Variants in NHS observed in about 807,000 individuals in gnomAD.
The protein encoded by NHS is actin remodeling regulator NHS.
In NHS, 5 loss-of-function variants were observed where a neutral mutation model predicts 72.5. The ratio of observed to expected loss-of-function variants is 0.07; its 90% confidence interval spans 0.04 to 0.14. NHS has a LOEUF of 0.14. NHS is among the 10% of genes least tolerant of loss of function. The pLI is 1.00. For synonymous variants in NHS, 464 were observed against 547.7 expected (o/e 0.85, Z 2.13); for missense variants, 1,072 against 1,355.7 (o/e 0.79, Z 3.29).
At chrX:17,537,533 A>G (rs1406728802) in intron 1 of NHS, among the ~76,000 whole-genome samples, 1 of 112,519 alleles carries the variant, frequency 8.9e-6, no homozygotes, top group Non-Finnish European at 1.9e-5. Context: ...GACACTTTGG[A>G]GGTGAATTTC....
At chrX:17,498,065 G>A (rs1159782553) in intron 1 of NHS, among the ~76,000 whole-genome samples, 1 of 112,013 alleles carries the variant, frequency 8.9e-6, no homozygotes, top group Non-Finnish European at 1.9e-5. Context: ...CCAGGCACCT[G>A]TATTTTTTTA....
intron 1 of NHS, among the ~76,000 whole-genome samples, chrX:17,403,322 A>C (rs895881517): frequency 8.9e-6 from 1 of 112,402 alleles, no homozygotes; most frequent in Non-Finnish European, 1.9e-5. Flanking sequence ...GGAGGAAAAG[A>C]TAAACAGGTT....
At chrX:17,484,283 A>G (rs1393432754) in intron 1 of NHS, among the ~76,000 whole-genome samples, 2 of 112,682 alleles carry the variant, frequency 1.8e-5, no homozygotes, top group East Asian at 5.6e-4. Context: ...TGGAAGAACT[A>G]GCTTGCCTTG....
chrX:17,717,427 A>T (rs1229316530), intron 3 of NHS, among the ~76,000 whole-genome samples: 1 of 112,674 alleles, frequency 8.9e-6, no homozygotes, highest in East Asian at 2.8e-4. Context: ...GCAATCTAAC[A>T]AATGAAATAG....
At chrX:17,675,497 C>A (rs952679865) in intron 1 of NHS, among the ~76,000 whole-genome samples, 2 of 112,074 alleles carry the variant, frequency 1.8e-5, no homozygotes, top group East Asian at 5.6e-4. Context: ...ACGATGAATA[C>A]CCCTACCATG....
At chrX:17,693,512 G>A (rs1004775860) in intron 3 of NHS, among the ~76,000 whole-genome samples, 6 of 112,271 alleles carry the variant, frequency 5.3e-5, no homozygotes, top group Non-Finnish European at 9.4e-5. Flanking sequence ...ACTCTAAATT[G>A]TGCACTCTTA....
intron 1 of NHS, among the ~76,000 whole-genome samples, chrX:17,442,422 A>G (rs1274176998): frequency 8.9e-6 from 1 of 112,290 alleles, no homozygotes; most frequent in Non-Finnish European, 1.9e-5. Flanking sequence ...TAAAGGAGAA[A>G]CACATCACTT....
chrX:17,670,244 C>T (rs2147099169), intron 1 of NHS, among the ~76,000 whole-genome samples: 1 of 112,563 alleles, frequency 8.9e-6, no homozygotes, highest in African/African-American at 3.2e-5. Context: ...ATGTTGTATT[C>T]ACCAAACCTA....
At chrX:17,671,349 C>A (rs1400634503) in intron 1 of NHS, among the ~76,000 whole-genome samples, 1 of 112,549 alleles carries the variant, frequency 8.9e-6, no homozygotes, top group East Asian at 2.8e-4. Flanking sequence ...CCTGCACAAT[C>A]TTCATTTCTG....
intron 1 of NHS, among the ~76,000 whole-genome samples, chrX:17,437,065 GAGA>G (rs2064727092): frequency 1.8e-5 from 2 of 112,020 alleles, no homozygotes; most frequent in Admixed American, 1.9e-4. Flanking sequence ...GCACTGTGTT[GAGA>G]AGGATGCTGC....
At chrX:17,400,405 A>G (rs1311134026) in intron 1 of NHS, among the ~76,000 whole-genome samples, 4 of 111,174 alleles carry the variant, frequency 3.6e-5, no homozygotes, top group Non-Finnish European at 7.5e-5. Context: ...GGCCAAGATG[A>G]TGAAACCTCG....
chrX:17,438,052 C>G (rs1377647575), intron 1 of NHS, among the ~76,000 whole-genome samples: 1 of 112,196 alleles, frequency 8.9e-6, no homozygotes, highest in Non-Finnish European at 1.9e-5. Context: ...TGTAGTGACA[C>G]GTGGAGAATT....
chrX:17,678,530 T>C (rs1363424856), intron 1 of NHS, among the ~76,000 whole-genome samples: 7 of 110,108 alleles, frequency 6.4e-5, no homozygotes, highest in Non-Finnish European at 9.5e-5. Flanking sequence ...CTGAGAGGGG[T>C]TGGGGAGAGG....
chrX:17,602,834 A>AC (rs1556016243), intron 1 of NHS, among the ~76,000 whole-genome samples: 1 of 83,300 alleles, frequency 1.2e-5, no homozygotes, highest in Non-Finnish European at 2.3e-5. Context: ...CACAACTACA[A>AC]TTTTTTTTTT....
chrX:17,475,544 CA>C (rs972698390), intron 1 of NHS, among the ~76,000 whole-genome samples: 7 of 111,705 alleles, frequency 6.3e-5, no homozygotes, highest in African/African-American at 2.3e-4. Flanking sequence ...TCCTTTAGGA[CA>C]AATTTGCATC....
chrX:17,385,182 C>T (rs1362567679), intron 1 of NHS, among the ~76,000 whole-genome samples: 1 of 112,018 alleles, frequency 8.9e-6, no homozygotes, highest in African/African-American at 3.2e-5. Flanking sequence ...TCTGACATCT[C>T]TCAATCCATT....
chrX:17,526,524 C>T (rs759478073), intron 1 of NHS, among the ~76,000 whole-genome samples: 2 of 112,043 alleles, frequency 1.8e-5, no homozygotes, highest in East Asian at 5.6e-4. Flanking sequence ...AAGCAAGTCA[C>T]AGAACCAAAC....
At position 17,732,263 on chromosome X, in the gene NHS, A is replaced by G. The variant is rs1450927917; in HGVS notation, c.4755A>G (p.Ala1585=). ...PLSPCSPRVN[A]EGFSSKSFAT... ...CTCCATGCTCCCCACGAGTTAATGCAGAAGGCTTTTCCTCGAAGAGCTTTG... is the reference window on the plus strand; with the variant it reads ...CTCCATGCTCCCCACGAGTTAATGCGGAAGGCTTTTCCTCGAAGAGCTTTG... The change falls in exon 9 of 9, where the codon GCA becomes GCG. Residue 1585 remains alanine (A), a synonymous_variant. Coordinates refer to ENST00000676302, the MANE Select transcript of NHS (RefSeq NM_001291867.2). 3 of 1,212,240 alleles carry G rather than the reference A, an allele frequency of 2.5e-6. No individual in the cohort carries two copies. Among genetic ancestry groups the G allele is most frequent in the Non-Finnish European group, 3.3e-6 (3 of 895,623 alleles).
chrX:17,719,998 G>C (rs140841462), intron 4 of NHS, among the ~76,000 whole-genome samples: 3 of 110,341 alleles, frequency 2.7e-5, no homozygotes, highest in African/African-American at 9.9e-5. Flanking sequence ...CTCTCTCTCT[G>C]TATGCACCAA....
Sources: allele counts gnomAD v4.1 joint callset (sites outside exome capture counted in the v4.1 genomes callset), GRCh38; gene constraint gnomAD v4.1.1; transcripts MANE v1.5; gene names NCBI Gene and HGNC (gene_info 2026-07-23, HGNC 2026-07-21).